Variants in FRMPD3 observed in about 807,000 individuals in gnomAD.
FRMPD3 encodes the protein FERM and PDZ domain-containing protein 3.
A neutral mutation model predicts 97.9 loss-of-function variants in FRMPD3; 42 were observed. The ratio of observed to expected loss-of-function variants is 0.43; its 90% CI spans 0.34 to 0.55. FRMPD3 has a LOEUF of 0.55. FRMPD3 is among the 20% of genes least tolerant of loss of function. FRMPD3 has a pLI of 0.03. For synonymous variants in FRMPD3, 577 were observed against 581.1 expected (o/e 0.99, Z 0.10); for missense variants, 1,303 against 1,457.7 (o/e 0.89, Z 1.73).
At position 107,533,507 on chromosome X, in the gene FRMPD3, G is replaced by A. The variant is rs1923074038; in HGVS notation, c.254G>A (p.Ser85Asn). 8.3e-7 allele frequency: 1 copy of A among 1,205,072 alleles called. No homozygotes were observed. Among genetic ancestry groups the A allele is most frequent in the African/African-American group, 1.8e-5 (1 of 56,970 alleles). ...PRERLIELIRSAKEFIVLTVL... is the reference protein window; with the variant it reads ...PRERLIELIRNAKEFIVLTVL... ...CCTATTCCCTCTTTTCTCTGTAGGA[G>A]CGCTAAGGAATTCATCGTTCTTACA... The change falls in exon 4 of 15, where the codon AGC becomes AAC. Residue 85 changes from serine (S) to asparagine (N), a missense_variant and splice_region_variant. Physicochemically the swap from Ser to Asn is conservative, Grantham distance 46. Transcript: ENST00000683843.
At chrX:107,563,827 C>T (rs1922486360) in intron 11 of FRMPD3, among the ~76,000 whole-genome samples, 1 of 112,064 alleles carries the variant, frequency 8.9e-6, no homozygotes, top group Non-Finnish European at 1.9e-5. Context: ...CTGAGTCCTT[C>T]TACTTCTCCC....
At chrX:107,557,798 T>C (rs1207603389) in intron 8 of FRMPD3, among the ~76,000 whole-genome samples, 1 of 5,919 alleles carries the variant, frequency 1.7e-4, no homozygotes, top group Non-Finnish European at 2.6e-4. Context: ...ATCTGTTGTC[T>C]ATATATATAT....
intron 1 of FRMPD3, among the ~76,000 whole-genome samples, chrX:107,481,328 A>G (rs983135914): frequency 8.9e-6 from 1 of 112,133 alleles, no homozygotes; most frequent in African/African-American, 3.2e-5. Context: ...ACCAACAAAC[A>G]GAGTCATTAG....
chrX:107,475,661 C>G (rs1430104622), intron 1 of FRMPD3, among the ~76,000 whole-genome samples: 1 of 112,261 alleles, frequency 8.9e-6, no homozygotes, highest in African/African-American at 3.2e-5. Context: ...GAAATGGATT[C>G]TGTGTTTGAT....
At chrX:107,555,385 T>C (rs1922036301) in intron 8 of FRMPD3, among the ~76,000 whole-genome samples, 1 of 112,026 alleles carries the variant, frequency 8.9e-6, no homozygotes, top group Admixed American at 9.5e-5. Flanking sequence ...GTGGCTGTTA[T>C]AGATTCTTTG....
At chrX:107,459,246 T>C (rs1292436705) in intron 1 of FRMPD3, among the ~76,000 whole-genome samples, 1 of 112,278 alleles carries the variant, frequency 8.9e-6, no homozygotes, top group African/African-American at 3.2e-5. Context: ...GTCTGGTCTG[T>C]TTCAAGTCCC....
At chrX:107,564,339 C>T (rs942179738) in intron 11 of FRMPD3, among the ~76,000 whole-genome samples, 1 of 112,665 alleles carries the variant, frequency 8.9e-6, no homozygotes, top group Non-Finnish European at 1.9e-5. Context: ...CTCTGCTTAA[C>T]GAGGGAGGCT....
At chrX:107,561,343 A>T (rs1922357702) in intron 10 of FRMPD3, among the ~76,000 whole-genome samples, 1 of 109,956 alleles carries the variant, frequency 9.1e-6, no homozygotes, top group African/African-American at 3.4e-5. Flanking sequence ...TACTTTTAAA[A>T]AAATAATTTA....
chrX:107,604,165 C>G lies in FRMPD3; in HGVS notation c.*792C>G, dbSNP rs1384297913. The G allele has an allele frequency of 9.3e-6, 1 of 107,176 alleles. No individual in the cohort carries two copies. Among genetic ancestry groups the G allele is most frequent in the Non-Finnish European group, 1.9e-5 (1 of 51,802 alleles). The allele number at this position is 107,176 out of a possible 1,213,427, so 8.8% of individuals were successfully genotyped here. On this transcript the variant is annotated 3_prime_UTR_variant, in exon 15 of 15. Transcript: ENST00000683843. ...ACCCAGTGCAGGCCTAGGAGCCCGC[C>G]TAGCCCGGCCCAGCCCAGCTCAGGG...
In FRMPD3 at chrX:107,597,395, G is replaced by A. The variant is rs753741770; in HGVS notation, c.1516G>A (p.Val506Met). 9.9e-6 allele frequency: 12 copies of A among 1,208,804 alleles called. No individual in the cohort carries two copies. The highest frequency in any genetic ancestry group is 3.5e-5 in the South Asian group (2 of 56,797). The change falls in exon 14 of 15, where the codon GTG becomes ATG. Residue 506 changes from valine (V) to methionine (M), a missense_variant. Transcript: ENST00000683843. ...GKKESSYVGSVGTSPRKSSRC... is the reference protein window; with the variant it reads ...GKKESSYVGSMGTSPRKSSRC... ...AAAGGAGAGTAGTTATGTGGGCAGC[G>A]TGGGCACCAGCCCCAGGAAATCGAG...
At position 107,530,463 on chromosome X, in the gene FRMPD3, A is replaced by T; in HGVS notation, c.203A>T (p.Glu68Val). ...LAGDQIVAIN[E>V]EDVSEAPRER... is the part of the protein sequence containing the mutation. ...GGTGACCAGATTGTGGCTATTAATG[A>T]GGAAGACGTGAGTGAAGCCCCGAGG... The change falls in exon 3 of 15, where the codon GAG (glutamate) becomes GTG (valine). Residue 68 changes from glutamate (E) to valine (V), a missense_variant. Physicochemically the swap from Glu to Val is moderately radical, Grantham distance 121 (BLOSUM62 -2). Around this residue, in one of 3 missense-constraint regions of FRMPD3, gnomAD observed 535 missense variants for 618.6 expected, o/e 0.86. Coordinates refer to ENST00000683843, the MANE Select transcript of FRMPD3 (RefSeq NM_001388459.1). 1.7e-6 allele frequency: 2 copies of T among 1,197,873 alleles called. No homozygotes were observed. Among genetic ancestry groups the T allele is most frequent in the Non-Finnish European group, 2.3e-6 (2 of 888,886 alleles).
Sources: allele counts gnomAD v4.1 joint callset (sites outside exome capture counted in the v4.1 genomes callset), GRCh38; gene constraint gnomAD v4.1.1; regional missense constraint gnomAD v4.1.1; transcripts MANE v1.5; gene names NCBI Gene and HGNC (gene_info 2026-07-23, HGNC 2026-07-21).